ZNF484: variants seen among roughly 807,000 people sequenced by gnomAD.
ZNF484 encodes KRAB box containing C2H2 type zinc finger bA526D8.4.
ZNF484 carries 11 observed loss-of-function variants against 12.9 expected under a neutral mutation model. That is an observed-to-expected ratio of 0.85 (90% CI 0.54 to 1.41). The LOEUF (loss-of-function observed/expected upper bound fraction) is 1.41, where lower values mean the gene tolerates loss of function less well. Ranked by LOEUF, ZNF484 falls within the 40% of genes most tolerant of loss-of-function variation. The pLI is 0.00. For synonymous variants in ZNF484, 289 were observed against 334.1 expected (o/e 0.86, Z 1.47); for missense variants, 807 against 1,007.7 (o/e 0.80, Z 2.70).
chr9:92,846,296 C>CT lies in ZNF484; in HGVS notation c.2490dup (p.Glu831ArgfsTer15), dbSNP rs761483642. 6.2e-7 allele frequency: 1 copy of CT among 1,614,158 alleles called. No individual in the cohort carries two copies. Among genetic ancestry groups the CT allele is most frequent in the South Asian group, 1.1e-5 (1 of 91,084 alleles). The stretch of plus-strand genomic sequence containing the variant: ...CACCATAATTGTGGCATGGAGCACT[C>CT]TACTTCCCCATTGTCAGATTTCTGA... On this transcript the variant is annotated frameshift_variant, in exon 5 of 5. Transcript: ENST00000375495. LOFTEE classifies it low-confidence loss of function (END_TRUNC).
intron 2 of ZNF484, among the ~76,000 whole-genome samples, chr9:92,856,839 A>G (rs1368815979): frequency 1.3e-5 from 2 of 152,074 alleles, no homozygotes; most frequent in African/African-American, 2.4e-5. Flanking sequence ...CTCCTGCCTC[A>G]GCCTCCTGAG....
chr9:92,848,910 A>AAAATAAATAAATAAAT lies in ZNF484; in HGVS notation c.236-375_236-360dup, dbSNP rs145197582. Among the ~76,000 whole-genome samples the AAAATAAATAAATAAAT allele has an allele frequency of 5.0e-5, 7 of 141,342 alleles. No individual in the cohort carries two copies. Among genetic ancestry groups the AAAATAAATAAATAAAT allele is most frequent in the African/African-American group, 1.6e-4 (6 of 37,420 alleles). 92.7% of individuals were successfully genotyped at this position (141,342 alleles called of 152,430 possible). A position where few individuals can be genotyped will look rare whatever the true frequency, so the allele number is the denominator to read the frequency against. ...GGTGACAGAGCAAGACTCTGTCTCC[A>AAAATAAATAAATAAAT]AAATAAATAAATAAATAAATAAATA... On this transcript the variant is annotated intron_variant, in intron 4 of 4. Transcript: ENST00000375495. The surrounding 1 kb of genome is among the most constrained non-coding windows in gnomAD (Gnocchi z 4.1).
rs1855541953 is a variant in ZNF484, at chr9:92,845,698, A to T, written c.*530T>A. On this transcript the variant is annotated 3_prime_UTR_variant, in exon 5 of 5. Transcript: ENST00000375495. The surrounding 1 kb of genome is among the most constrained non-coding windows in gnomAD (Gnocchi z 4.0). Reference sequence around the variant, plus strand: ...TCTAAGGTAATAATATAGACTTTTGAGAAATAGGCAAAGAGCAATTTCAGA... The same window carrying T: ...TCTAAGGTAATAATATAGACTTTTGTGAAATAGGCAAAGAGCAATTTCAGA... 1 of 153,556 alleles carries T rather than the reference A, an allele frequency of 6.5e-6. No individual in the cohort carries two copies. Among genetic ancestry groups the T allele is most frequent in the Non-Finnish European group, 1.4e-5 (1 of 69,068 alleles). 9.5% of individuals were successfully genotyped at this position (153,556 alleles called of 1,614,324 possible). A position where few individuals can be genotyped will look rare whatever the true frequency, so the allele number is the denominator to read the frequency against.
intron 2 of ZNF484, among the ~76,000 whole-genome samples, chr9:92,861,199 G>A (rs999071472): frequency 6.6e-6 from 1 of 152,188 alleles, no homozygotes; most frequent in Admixed American, 6.5e-5. Context: ...TAGAGGATTT[G>A]AAGAGAAAAC....
chr9:92,852,425 C>G (rs1856152341), intron 4 of ZNF484, among the ~76,000 whole-genome samples: 1 of 151,834 alleles, frequency 6.6e-6, no homozygotes, highest in Non-Finnish European at 1.5e-5. Flanking sequence ...TCCCAAGTAG[C>G]TGGGACTACA....
In ZNF484 at chr9:92,846,763, C is replaced by G. The variant is rs868062054; in HGVS notation, c.2024G>C (p.Arg675Thr). The change falls in exon 5 of 5, where the codon AGG becomes ACG. Residue 675 changes from arginine (R) to threonine (T), a missense_variant. Coordinates refer to ENST00000375495, the MANE Select transcript of ZNF484 (RefSeq NM_031486.4). ...KCSDCGKAFTRKSGLHIHQQS... is the reference protein window; with the variant it reads ...KCSDCGKAFTTKSGLHIHQQS... ...CTGATGTATATGGAGACCTGACTTC[C>G]TAGTGAAGGCTTTCCCACAGTCACT... is the stretch of plus-strand genomic sequence containing the variant. The G allele has an allele frequency of 1.9e-6, 3 of 1,613,710 alleles. No homozygotes were observed. The highest frequency in any genetic ancestry group is 2.2e-5 in the East Asian group (1 of 44,844).
At chr9:92,866,285 A>G (rs1857067069) in intron 2 of ZNF484, among the ~76,000 whole-genome samples, 1 of 152,224 alleles carries the variant, frequency 6.6e-6, no homozygotes. Flanking sequence ...GGAACTTAAA[A>G]ACACATTTAC....
chr9:92,855,961 A>G, intron 3 of ZNF484, 58 bp from the exon 4 acceptor site: 2 of 1,583,050 alleles, frequency 1.3e-6, no homozygotes, highest in Non-Finnish European at 1.7e-6. Context: ...GAAGCATTCC[A>G]TTTTTTTCCC....
rs753410798 is a variant in ZNF484 at position 92,846,792 on chromosome 9, T to C, written c.1995A>G (p.Lys665=). The change falls in exon 5 of 5, where the codon AAA becomes AAG. Residue 665 remains lysine (K), a synonymous_variant. Transcript: ENST00000375495. ...QKIHTGEKPY[K]CSDCGKAFTR... is the part of the protein sequence containing the mutation. ...TGAAGGCTTTCCCACAGTCACTACATTTATAAGGTTTCTCTCCAGTGTGAA... is the reference window on the plus strand; with the variant it reads ...TGAAGGCTTTCCCACAGTCACTACACTTATAAGGTTTCTCTCCAGTGTGAA... 4 of 1,614,094 alleles carry C rather than the reference T, an allele frequency of 2.5e-6. No homozygotes were observed. In the Admixed American group the frequency reaches 6.7e-5, roughly 27 times the overall value.
At chr9:92,868,361 A>G (rs1587763395) in intron 2 of ZNF484, among the ~76,000 whole-genome samples, 1 of 152,220 alleles carries the variant, frequency 6.6e-6, no homozygotes, top group African/African-American at 2.4e-5. Flanking sequence ...TCTAGAGCCA[A>G]CGGCCTGGGT....
chr9:92,874,192 A>G (rs902604121), intron 2 of ZNF484, among the ~76,000 whole-genome samples: 12 of 152,266 alleles, frequency 7.9e-5, no homozygotes, highest in African/African-American at 2.9e-4. Context: ...AAAAATTCTC[A>G]TATCCCATCC....
At chr9:92,871,957 C>A (rs529707185) in intron 2 of ZNF484, among the ~76,000 whole-genome samples, 1 of 152,126 alleles carries the variant, frequency 6.6e-6, no homozygotes, top group South Asian at 2.1e-4. Flanking sequence ...GGGCCAGGCG[C>A]GGTGGCTCAT....
At chr9:92,849,205 G>A (rs1855906276) in intron 4 of ZNF484, among the ~76,000 whole-genome samples, 1 of 151,710 alleles carries the variant, frequency 6.6e-6, no homozygotes, top group Non-Finnish European at 1.5e-5. Context: ...AGGTTGCGGT[G>A]AGCCGAGATC....
intron 2 of ZNF484, among the ~76,000 whole-genome samples, chr9:92,861,805 G>A (rs915201005): frequency 2.0e-5 from 3 of 152,044 alleles, no homozygotes; most frequent in African/African-American, 7.2e-5. Flanking sequence ...TCCCAAATCT[G>A]GTAAAAGGCA....
chr9:92,856,005 A>G, intron 3 of ZNF484, 102 bp from the exon 4 acceptor site: 1 of 1,425,054 alleles, frequency 7.0e-7, no homozygotes, highest in Non-Finnish European at 9.7e-7. Context: ...GAATATTCAC[A>G]CTACCCGAAA....
rs1857940519 is a variant in ZNF484 at position 92,877,948 on chromosome 9, G to T, written c.-89C>A. ...TCATTTGCCTCGGGAGGTGACTATA[G>T]TCGCAAGAACCAGAACAGGACCCAC... On this transcript the variant is annotated 5_prime_UTR_variant, in exon 1 of 5. Coordinates refer to ENST00000375495, the MANE Select transcript of ZNF484 (RefSeq NM_031486.4). 1 of 1,423,006 alleles carries T rather than the reference G, an allele frequency of 7.0e-7. No individual in the cohort carries two copies. The highest frequency in any genetic ancestry group is 9.6e-7 in the Non-Finnish European group (1 of 1,047,108). The allele number at this position is 1,423,006 out of a possible 1,614,324, so 88.1% of individuals were successfully genotyped here.
At position 92,877,961 on chromosome 9, in the gene ZNF484, G is replaced by C. The variant is rs1194132455; in HGVS notation, c.-102C>G. The C allele has an allele frequency of 8.7e-6, 11 of 1,259,016 alleles. No individual in the cohort carries two copies. The highest frequency in any genetic ancestry group is 1.1e-5 in the Non-Finnish European group (10 of 906,008). The allele number at this position is 1,259,016 out of a possible 1,614,324, so 78.0% of individuals were successfully genotyped here. A position where few individuals can be genotyped will look rare whatever the true frequency, so the allele number is the denominator to read the frequency against. On this transcript the variant is annotated 5_prime_UTR_variant, in exon 1 of 5. Coordinates refer to ENST00000375495, the MANE Select transcript of ZNF484 (RefSeq NM_031486.4). ...GAGGTGACTATAGTCGCAAGAACCAGAACAGGACCCACTTCCTTTTTCTCA... is the reference window on the plus strand; with the variant it reads ...GAGGTGACTATAGTCGCAAGAACCACAACAGGACCCACTTCCTTTTTCTCA...
intron 4 of ZNF484, among the ~76,000 whole-genome samples, chr9:92,851,457 A>G (rs1856075159): frequency 6.6e-6 from 1 of 152,254 alleles, no homozygotes; most frequent in Admixed American, 6.5e-5. Flanking sequence ...TGTATTGTCT[A>G]TAGCTGCTTT....
At chr9:92,860,438 TA>T (rs374946155) in intron 2 of ZNF484, among the ~76,000 whole-genome samples, 3 of 151,126 alleles carry the variant, frequency 2.0e-5, no homozygotes, top group Non-Finnish European at 4.4e-5. Flanking sequence ...CCATCTCTAC[TA>T]AAAAAATACA....
Sources: gnomAD v4.1 joint callset for allele counts (sites outside exome capture counted in the v4.1 genomes callset) on GRCh38, gnomAD v4.1.1 for gene constraint, Gnocchi (gnomAD v3.1) non-coding constraint, MANE v1.5 for transcripts, NCBI Gene and HGNC (gene_info 2026-07-23, HGNC 2026-07-21) for gene names.